Variants in ZEB1 observed in about 807,000 individuals in gnomAD.
ZEB1 encodes the protein zinc finger E-box binding homeobox 1.
ZEB1 carries 21 observed loss-of-function variants against 84.9 expected under a neutral mutation model. The observed-to-expected ratio is 0.25, with a 90% CI of 0.18 to 0.36. The LOEUF is 0.36. Among genes scored for constraint, ZEB1 ranks in the 10% least tolerant of loss-of-function variants. The pLI is 1.00. For missense variants in ZEB1, 1,104 were observed against 1,330.2 expected (o/e 0.83, Z 2.65); for synonymous variants, 420 against 471.1 (o/e 0.89, Z 1.41).
At chr10:31,459,783 A>C (rs192720456) in intron 1 of ZEB1, among the ~76,000 whole-genome samples, 7 of 151,118 alleles carry the variant, frequency 4.6e-5, no homozygotes, top group Admixed American at 2.0e-4. Context: ...TCACCTTTAA[A>C]TATCTACCCA....
intron 1 of ZEB1, among the ~76,000 whole-genome samples, chr10:31,449,854 A>G (rs776269942): frequency 6.6e-6 from 1 of 152,210 alleles, no homozygotes; most frequent in Non-Finnish European, 1.5e-5. Flanking sequence ...AGTATTACCA[A>G]GTGTTTTGCA....
intron 2 of ZEB1, among the ~76,000 whole-genome samples, chr10:31,473,520 T>A (rs991161437): frequency 6.6e-6 from 1 of 151,916 alleles, no homozygotes; most frequent in African/African-American, 2.4e-5. Flanking sequence ...AAGGACCTCT[T>A]CAAGGAGAAC....
At chr10:31,460,158 A>G (rs1377092036) in intron 1 of ZEB1, among the ~76,000 whole-genome samples, 1 of 152,012 alleles carries the variant, frequency 6.6e-6, no homozygotes, top group Non-Finnish European at 1.5e-5. Context: ...CTCTAAAGGA[A>G]AACATTGATT....
chr10:31,407,578 C>G (rs2053361779), intron 1 of ZEB1, among the ~76,000 whole-genome samples: 1 of 152,018 alleles, frequency 6.6e-6, no homozygotes, highest in Non-Finnish European at 1.5e-5. Flanking sequence ...GTCTTTATAG[C>G]AGCATGATTT....
chr10:31,488,836 T>C (rs2066103446), intron 2 of ZEB1, among the ~76,000 whole-genome samples: 1 of 151,260 alleles, frequency 6.6e-6, no homozygotes, highest in Admixed American at 6.6e-5. Context: ...TCATAGAACA[T>C]ACTTTATAGA....
chr10:31,445,451 TG>T (rs1225485411), intron 1 of ZEB1, among the ~76,000 whole-genome samples: 1 of 147,178 alleles, frequency 6.8e-6, no homozygotes, highest in East Asian at 2.0e-4. Flanking sequence ...TCCAACACTA[TG>T]TTGAATAGGA....
intron 1 of ZEB1, among the ~76,000 whole-genome samples, chr10:31,393,923 G>T (rs867626773): frequency 6.6e-6 from 1 of 152,070 alleles, no homozygotes; most frequent in African/African-American, 2.4e-5. Context: ...TTGAAACTTT[G>T]CCACAGCTAC....
At chr10:31,322,386 G>A (rs1261460328) in intron 1 of ZEB1, among the ~76,000 whole-genome samples, 11 of 152,190 alleles carry the variant, frequency 7.2e-5, no homozygotes, top group Admixed American at 6.5e-4. Flanking sequence ...GAAGATTGTC[G>A]TAGAGATAGT....
chr10:31,452,725 G>T (rs1374689001), intron 1 of ZEB1, among the ~76,000 whole-genome samples: 2 of 119,736 alleles, frequency 1.7e-5, no homozygotes, highest in African/African-American at 8.9e-5. Context: ...GTGTGTGTGT[G>T]TGTGTGTGTG....
chr10:31,444,914 T>G (rs892562798), intron 1 of ZEB1, among the ~76,000 whole-genome samples: 11 of 152,158 alleles, frequency 7.2e-5, no homozygotes, highest in Non-Finnish European at 1.5e-4. Context: ...TTTGGTTCCA[T>G]ATGAACTTTA....
At chr10:31,484,122 C>T (rs1056824302) in intron 2 of ZEB1, among the ~76,000 whole-genome samples, 1 of 152,004 alleles carries the variant, frequency 6.6e-6, no homozygotes, top group East Asian at 1.9e-4. Flanking sequence ...CTGCCTCACT[C>T]TCTTTCACTT....
intron 1 of ZEB1, among the ~76,000 whole-genome samples, chr10:31,353,511 A>G (rs1282066812): frequency 6.6e-6 from 1 of 152,274 alleles, no homozygotes; most frequent in East Asian, 1.9e-4. Flanking sequence ...TCTACCTTCT[A>G]TTTTGCAGAA....
chr10:31,353,982 TGAG>T (rs1475491839), intron 1 of ZEB1, among the ~76,000 whole-genome samples: 5 of 152,152 alleles, frequency 3.3e-5, no homozygotes, highest in Admixed American at 1.3e-4. Context: ...ATTGAAAGAA[TGAG>T]GATAGACACA....
chr10:31,460,969 T>C (rs2061738712), intron 1 of ZEB1, 68 bp from the exon 2 acceptor site: 2 of 1,249,292 alleles, frequency 1.6e-6, no homozygotes, highest in Non-Finnish European at 2.3e-6. Flanking sequence ...TTTTTTATTT[T>C]TCTGAGATGT....
chr10:31,479,363 C>G (rs1315392663), intron 2 of ZEB1, among the ~76,000 whole-genome samples: 2 of 151,838 alleles, frequency 1.3e-5, no homozygotes, highest in Non-Finnish European at 2.9e-5. Flanking sequence ...TCAAATTCTT[C>G]TAGAAATTTG....
intron 1 of ZEB1, among the ~76,000 whole-genome samples, chr10:31,335,307 A>T (rs988416413): frequency 5.9e-5 from 9 of 151,474 alleles, no homozygotes; most frequent in South Asian, 2.1e-4. Context: ...ATCAGATAAT[A>T]AAAAAAAACA....
At chr10:31,460,895 CAAAT>C (rs1361576802) in intron 1 of ZEB1, 138 bp from the exon 2 acceptor site, 11 of 739,118 alleles carry the variant, frequency 1.5e-5, no homozygotes, top group African/African-American at 8.8e-5. Context: ...TGTGTGTTGT[CAAAT>C]AAATTAGTTG....
rs774313408 is a variant in ZEB1, at chr10:31,521,744, T to C, written c.2412T>C (p.Ala804=). 1.9e-6 allele frequency: 3 copies of C among 1,613,972 alleles called. No individual in the cohort carries two copies. In the African/African-American group the frequency reaches 4.0e-5, roughly 22 times the overall value. Residue 804 remains alanine, a synonymous_variant, in exon 7 of 9, where the codon GCT becomes GCC. Coordinates refer to ENST00000424869, the MANE Select transcript of ZEB1 (RefSeq NM_001174096.2). The part of the protein sequence containing the change: ...IPPSANPINI[A]IPTVTAQLPT... ...CAAGTGCCAACCCCATAAATATCGC[T>C]ATACCTACAGTCACTGCCCAGTTAC...
chr10:31,355,451 G>A (rs555390290), intron 1 of ZEB1, among the ~76,000 whole-genome samples: 1 of 152,214 alleles, frequency 6.6e-6, no homozygotes, highest in Admixed American at 6.5e-5. Context: ...ATGTCCTCAC[G>A]AAACCAGCAG....
Sources: allele counts gnomAD v4.1 joint callset (sites outside exome capture counted in the v4.1 genomes callset), GRCh38; gene constraint gnomAD v4.1.1; transcripts MANE v1.5; gene names NCBI Gene and HGNC (gene_info 2026-07-23, HGNC 2026-07-21).